The following SCFD2 variants were observed in gnomAD, a reference collection of about 807,000 sequenced individuals.
The protein encoded by SCFD2 is sec1 family domain-containing protein 2.
Under a neutral mutation model 58.9 loss-of-function variants are expected in SCFD2, and 54 were observed. The ratio of observed to expected loss-of-function variants is 0.92; its 90% CI spans 0.74 to 1.15. The LOEUF (loss-of-function observed/expected upper bound fraction) is 1.15. Ranked by LOEUF, SCFD2 falls within the 50% of genes most tolerant of loss-of-function variation. SCFD2 has a pLI of 0.00. For missense variants in SCFD2, 805 were observed against 836.6 expected, an observed-to-expected ratio of 0.96 and a Z score of 0.47; for synonymous variants, 321 against 335.9, an observed-to-expected ratio of 0.96 and a Z score of 0.49.
intron 7 of SCFD2, among the ~76,000 whole-genome samples, chr4:52,902,251 C>T (rs1416309224): frequency 6.6e-6 from 1 of 152,154 alleles, no homozygotes; most frequent in African/African-American, 2.4e-5. Context: ...CTACAGTTTG[C>T]CCCAGAAGGA....
chr4:52,927,809 A>G (rs1173569937), intron 5 of SCFD2, among the ~76,000 whole-genome samples: 1 of 152,182 alleles, frequency 6.6e-6, no homozygotes, highest in Non-Finnish European at 1.5e-5. Flanking sequence ...TTATAAAAGG[A>G]TTGTGAAGTG....
intron 5 of SCFD2, among the ~76,000 whole-genome samples, chr4:52,938,987 T>C (rs1195852003): frequency 6.6e-6 from 1 of 152,100 alleles, no homozygotes; most frequent in African/African-American, 2.4e-5. Context: ...CAGTGTCTAA[T>C]TTACCACTCC....
chr4:53,049,994 T>G lies in SCFD2; in HGVS notation c.1561+95339A>C, dbSNP rs114869273. 7.5e-3 allele frequency among the ~76,000 whole-genome samples: 1,138 copies of G among 152,286 alleles called. 9 individuals carry two copies. Among genetic ancestry groups the G allele is most frequent in the African/African-American group, 0.026 (1,086 of 41,560 alleles). On this transcript the variant is annotated intron_variant, in intron 5 of 8. Coordinates refer to ENST00000401642, the MANE Select transcript of SCFD2 (RefSeq NM_152540.4). ...ATGTTTATTTACTCCTGTTACAGGC[T>G]ATAGATGTTAAACAGGAAAAAATAA...
intron 5 of SCFD2, among the ~76,000 whole-genome samples, chr4:52,960,584 G>T (rs1720823101): frequency 1.3e-5 from 2 of 151,928 alleles, no homozygotes; most frequent in African/African-American, 4.8e-5. Flanking sequence ...GGTCAGGCTG[G>T]TCTCAAACTC....
chr4:53,074,382 G>A (rs1246786701), intron 5 of SCFD2, among the ~76,000 whole-genome samples: 1 of 152,070 alleles, frequency 6.6e-6, no homozygotes, highest in Admixed American at 6.6e-5. Flanking sequence ...TTATCGATGA[G>A]GCTTGGAATG....
intron 4 of SCFD2, among the ~76,000 whole-genome samples, chr4:53,263,432 AT>A (rs1730887564): frequency 1.3e-5 from 2 of 152,124 alleles, no homozygotes; most frequent in Admixed American, 6.5e-5. Flanking sequence ...ATTTCGTCTC[AT>A]GGGGTGCTCC....
chr4:53,052,018 T>C (rs1723201850), intron 5 of SCFD2, among the ~76,000 whole-genome samples: 1 of 152,190 alleles, frequency 6.6e-6, no homozygotes. Flanking sequence ...TCCTTTCTTG[T>C]AAGAAAAGCA....
chr4:52,973,288 G>A (rs1721159355), intron 5 of SCFD2, among the ~76,000 whole-genome samples: 1 of 151,864 alleles, frequency 6.6e-6, no homozygotes, highest in Admixed American at 6.6e-5. Flanking sequence ...TAATAAAGAA[G>A]AAAAGAGAGA....
intron 6 of SCFD2, among the ~76,000 whole-genome samples, chr4:52,915,496 C>T (rs1327974394): frequency 6.6e-6 from 1 of 152,102 alleles, no homozygotes; most frequent in African/African-American, 2.4e-5. Flanking sequence ...TTATTTTTTG[C>T]TATAAGATGA....
intron 4 of SCFD2, among the ~76,000 whole-genome samples, chr4:53,229,560 C>T (rs1729357840): frequency 1.3e-5 from 2 of 152,174 alleles, no homozygotes; most frequent in African/African-American, 2.4e-5. Context: ...GGAAAACTGG[C>T]TGGCCATATC....
At chr4:52,917,505 C>A (rs1054058172) in intron 6 of SCFD2, among the ~76,000 whole-genome samples, 1 of 152,128 alleles carries the variant, frequency 6.6e-6, no homozygotes, top group Non-Finnish European at 1.5e-5. Flanking sequence ...TCCATCTACC[C>A]ACCCACTAGG....
chr4:52,924,957 T>A (rs1414328274), intron 5 of SCFD2, among the ~76,000 whole-genome samples: 1 of 152,078 alleles, frequency 6.6e-6, no homozygotes, highest in Non-Finnish European at 1.5e-5. Flanking sequence ...TTAAATGGGG[T>A]GAATTATTTT....
intron 5 of SCFD2, among the ~76,000 whole-genome samples, chr4:52,939,062 T>C (rs1165778666): frequency 6.6e-6 from 1 of 152,170 alleles, no homozygotes; most frequent in Non-Finnish European, 1.5e-5. Context: ...AGAACCCTCA[T>C]AGATCTGAGG....
chr4:53,362,276 T>C (rs548192935), intron 1 of SCFD2, among the ~76,000 whole-genome samples: 15 of 152,270 alleles, frequency 9.9e-5, no homozygotes, highest in African/African-American at 3.6e-4. Context: ...ATGCTTAGCA[T>C]GTCTGACAAT....
At chr4:53,181,245 C>G (rs533419854) in intron 4 of SCFD2, among the ~76,000 whole-genome samples, 6 of 152,258 alleles carry the variant, frequency 3.9e-5, no homozygotes, top group Admixed American at 2.6e-4. Context: ...AACATCGATG[C>G]AAAAATCCTC....
chr4:52,879,720 G>A (rs535490684), intron 8 of SCFD2, among the ~76,000 whole-genome samples: 19 of 152,322 alleles, frequency 1.2e-4, no homozygotes, highest in Non-Finnish European at 2.2e-4. Context: ...TGGGCTTTCC[G>A]TTGCTCCAGA....
rs537178043 is a variant in SCFD2 at position 53,253,735 on chromosome 4, G to C, written c.1311+20091C>G. 1.4e-4 allele frequency among the ~76,000 whole-genome samples: 16 copies of C among 112,516 alleles called. No homozygotes were observed. In the East Asian group the frequency reaches 4.2e-3, roughly 30 times the overall value. The allele number at this position is 112,516 out of a possible 152,430, so 73.8% of individuals were successfully genotyped here. A position where few individuals can be genotyped will look rare whatever the true frequency, so the allele number is the denominator to read the frequency against. ...AGGGGAACATCACATGCTGGGGACT[G>C]TCGTGGGGTGGGGGGAGGGGGGAGG... On this transcript the variant is annotated intron_variant, in intron 4 of 8. Transcript: ENST00000401642.
At chr4:53,206,766 C>T (rs577375152) in intron 4 of SCFD2, among the ~76,000 whole-genome samples, 1 of 152,084 alleles carries the variant, frequency 6.6e-6, no homozygotes, top group Non-Finnish European at 1.5e-5. Context: ...CAATTCTGAA[C>T]AGTCATTTTT....
At chr4:53,003,051 C>A (rs1384889326) in intron 5 of SCFD2, among the ~76,000 whole-genome samples, 1 of 152,204 alleles carries the variant, frequency 6.6e-6, no homozygotes, top group Non-Finnish European at 1.5e-5. Context: ...AACCCATTCA[C>A]AAGAACTCTG....
Sources: allele counts gnomAD v4.1 joint callset (sites outside exome capture counted in the v4.1 genomes callset), GRCh38; gene constraint gnomAD v4.1.1; transcripts MANE v1.5; gene names NCBI Gene and HGNC (gene_info 2026-07-23, HGNC 2026-07-21).